The following SEPTIN6 variants were observed in gnomAD, a reference collection of about 807,000 sequenced individuals.
The protein encoded by SEPTIN6 is septin-6.
A neutral mutation model predicts 33.6 loss-of-function variants in SEPTIN6; 8 were observed. That is an observed-to-expected ratio of 0.24 (90% CI 0.14 to 0.43). The LOEUF (loss-of-function observed/expected upper bound fraction) is 0.43. Ranked by LOEUF, SEPTIN6 falls within the 20% of genes least tolerant of loss-of-function variation. The pLI is 1.00. For synonymous variants in SEPTIN6, 131 were observed against 140.0 expected, an observed-to-expected ratio of 0.94 and a Z score of 0.45; for missense variants, 250 against 340.8, an observed-to-expected ratio of 0.73 and a Z score of 2.10.
chrX:119,635,523 T>G (rs1169607437), intron 7 of SEPTIN6, among the ~76,000 whole-genome samples: 2 of 110,309 alleles, frequency 1.8e-5, no homozygotes, highest in Non-Finnish European at 1.9e-5. Context: ...GTAGGAGAGA[T>G]AGGAATAGAA....
intron 7 of SEPTIN6, 41 bp downstream of exon 7, chrX:119,636,986 C>A: frequency 8.4e-7 from 1 of 1,186,291 alleles, no homozygotes; most frequent in Non-Finnish European, 1.1e-6. Flanking sequence ...GTGGGCTGAG[C>A]TGAGCTGGGC....
Position 119,663,463 on chromosome X carries a change from A to ACCCCCC in SEPTIN6, c.341+18_341+19insGGGGGG. ...TCTACCAACCTCCCCACCCTACCCC[A>ACCCCCC]CCCCACCGCCTTCTTTACCTGTCCT... is the stretch of plus-strand genomic sequence containing the variant. On this transcript the variant is annotated intron_variant, in intron 3 of 10. Coordinates refer to ENST00000394610, the MANE Select transcript of SEPTIN6 (RefSeq NM_145799.4). 3.2e-6 allele frequency: 1 copy of ACCCCCC among 313,665 alleles called. No individual in the cohort carries two copies. The highest frequency in any genetic ancestry group is 5.3e-6 in the Non-Finnish European group (1 of 189,476). 25.8% of individuals were successfully genotyped at this position (313,665 alleles called of 1,213,427 possible).
chrX:119,679,987 G>A (rs1489832478), intron 1 of SEPTIN6, among the ~76,000 whole-genome samples: 1 of 111,548 alleles, frequency 9.0e-6, no homozygotes, highest in Non-Finnish European at 1.9e-5. Context: ...GAGACACATA[G>A]GAAAGCCAGG....
intron 1 of SEPTIN6, among the ~76,000 whole-genome samples, chrX:119,691,400 A>G (rs1482534079): frequency 2.7e-5 from 3 of 112,450 alleles, no homozygotes; most frequent in Non-Finnish European, 3.8e-5. Flanking sequence ...CTTCAGCTAT[A>G]CCATCTCTGA....
intron 2 of SEPTIN6, among the ~76,000 whole-genome samples, chrX:119,670,973 C>A (rs2054736201): frequency 9.2e-6 from 1 of 109,244 alleles, no homozygotes; most frequent in South Asian, 4.0e-4. Flanking sequence ...TTAGTTGCAA[C>A]ACACATATGT....
At chrX:119,653,542 G>A (rs1418182248) in intron 3 of SEPTIN6, among the ~76,000 whole-genome samples, 1 of 112,486 alleles carries the variant, frequency 8.9e-6, no homozygotes, top group Non-Finnish European at 1.9e-5. Context: ...TAGAGGGACT[G>A]ATTTTCCTCC....
At chrX:119,624,144 GT>G (rs11338110) in intron 10 of SEPTIN6, 95,869 of 193,901 alleles carry the variant, frequency 0.49, 14,819 homozygotes, top group East Asian at 0.68. Context: ...TTTATTATGG[GT>G]TTTTTTTTTT....
intron 2 of SEPTIN6, among the ~76,000 whole-genome samples, chrX:119,665,101 T>G (rs1458584706): frequency 4.0e-5 from 4 of 98,946 alleles, no homozygotes; most frequent in Non-Finnish European, 5.8e-5. Flanking sequence ...CTTCTTCTTC[T>G]TCTTTTTTTT....
intron 8 of SEPTIN6, among the ~76,000 whole-genome samples, chrX:119,630,136 A>T (rs942870144): frequency 8.9e-6 from 1 of 111,927 alleles, no homozygotes; most frequent in African/African-American, 3.2e-5. Context: ...TAAAAAAAGA[A>T]ATTACCGAGT....
intron 1 of SEPTIN6, among the ~76,000 whole-genome samples, chrX:119,684,637 C>CCCA (rs1161710906): frequency 9.2e-6 from 1 of 109,193 alleles, no homozygotes; most frequent in African/African-American, 3.3e-5. Flanking sequence ...ATTACAGGCG[C>CCCA]CCACCACCAC....
At chrX:119,645,230 C>A (rs1447562376) in intron 5 of SEPTIN6, among the ~76,000 whole-genome samples, 1 of 97,889 alleles carries the variant, frequency 1.0e-5, no homozygotes, top group Non-Finnish European at 2.0e-5. Flanking sequence ...TTCCTAAAGG[C>A]CCTACCTTTT....
chrX:119,623,348 CATT>C (rs931598070), intron 10 of SEPTIN6, among the ~76,000 whole-genome samples: 7 of 111,429 alleles, frequency 6.3e-5, no homozygotes, highest in African/African-American at 2.3e-4. Context: ...TTTAAAGAAT[CATT>C]ATCTCTTGGA....
At position 119,619,536 on chromosome X, in the gene SEPTIN6, G is replaced by A. The variant is rs764048602; in HGVS notation, c.*557C>T. 3 of 817,456 alleles carry A rather than the reference G, an allele frequency of 3.7e-6. No homozygotes were observed. The highest frequency in any genetic ancestry group is 4.4e-6 in the Non-Finnish European group (3 of 678,602). The allele number at this position is 817,456 out of a possible 1,213,427, so 67.4% of individuals were successfully genotyped here. Reference sequence around the variant, plus strand: ...TGGACTCAAAGGTTAGAAGGAAAAGGCGCCAAAGGCTGTCCTTTTGAAACC... The same window carrying A: ...TGGACTCAAAGGTTAGAAGGAAAAGACGCCAAAGGCTGTCCTTTTGAAACC... On this transcript the variant is annotated 3_prime_UTR_variant, in exon 11 of 11. Transcript: ENST00000394610.
intron 8 of SEPTIN6, among the ~76,000 whole-genome samples, chrX:119,629,957 T>C (rs1023645851): frequency 3.6e-5 from 4 of 110,826 alleles, no homozygotes; most frequent in African/African-American, 1.3e-4. Flanking sequence ...CCGTCTCTAC[T>C]AAAAATACAA....
intron 2 of SEPTIN6, among the ~76,000 whole-genome samples, chrX:119,666,723 G>C (rs1311032018): frequency 8.9e-6 from 1 of 111,806 alleles, no homozygotes; most frequent in Non-Finnish European, 1.9e-5. Context: ...TCCATTAGCA[G>C]CAAAGACTCT....
At chrX:119,686,155 G>A (rs2055050872) in intron 1 of SEPTIN6, among the ~76,000 whole-genome samples, 1 of 112,142 alleles carries the variant, frequency 8.9e-6, no homozygotes, top group African/African-American at 3.2e-5. Flanking sequence ...TTACCCACAG[G>A]CCTCTGGGTG....
chrX:119,620,418 A>C (rs1306265651), intron 10 of SEPTIN6, among the ~76,000 whole-genome samples: 1 of 101,173 alleles, frequency 9.9e-6, no homozygotes, highest in African/African-American at 3.7e-5. Context: ...TCCCGGGTTC[A>C]CGCCATTCTC....
At chrX:119,680,980 CAAA>C (rs60147271) in intron 1 of SEPTIN6, among the ~76,000 whole-genome samples, 1 of 77,963 alleles carries the variant, frequency 1.3e-5, no homozygotes, top group Non-Finnish European at 2.7e-5. Context: ...GACTCTGTCT[CAAA>C]AAAAAAAAAA....
At chrX:119,647,481 C>CCCTTTTTTTT (rs2054281134) in intron 5 of SEPTIN6, among the ~76,000 whole-genome samples, 1 of 54,534 alleles carries the variant, frequency 1.8e-5, no homozygotes, top group African/African-American at 1.2e-4. Context: ...CTTTCTCTCT[C>CCCTTTTTTTT]TCTTTTTTTT....
Sources: allele counts gnomAD v4.1 joint callset (sites outside exome capture counted in the v4.1 genomes callset), GRCh38; gene constraint gnomAD v4.1.1; transcripts MANE v1.5; gene names NCBI Gene and HGNC (gene_info 2026-07-23, HGNC 2026-07-21).